TBC1D9: variants seen among roughly 807,000 people sequenced by gnomAD.
TBC1D9 encodes TBC1 domain family member 9A.
Under a neutral mutation model 132.0 loss-of-function variants are expected in TBC1D9, and 63 were observed. That is an observed-to-expected ratio of 0.48 (90% CI 0.39 to 0.59). TBC1D9 has a LOEUF of 0.59. Ranked by LOEUF, TBC1D9 falls within the 20% of genes least tolerant of loss-of-function variation. The probability of loss-of-function intolerance (pLI) is 0.00; values close to 1 mark genes in which losing one functional copy is unlikely to be tolerated. For synonymous variants in TBC1D9, 610 were observed against 609.9 expected, an observed-to-expected ratio of 1.00 and a Z score of 0.00; for missense variants, 1,261 against 1,592.7, an observed-to-expected ratio of 0.79 and a Z score of 3.54.
intron 2 of TBC1D9, among the ~76,000 whole-genome samples, chr4:140,695,432 G>A (rs1560888284): frequency 6.6e-6 from 1 of 152,134 alleles, no homozygotes; most frequent in Non-Finnish European, 1.5e-5. Context: ...GGCACCGTTC[G>A]GCACTGTTGT....
At chr4:140,671,876 G>A (rs1259650111) in intron 6 of TBC1D9, among the ~76,000 whole-genome samples, 2 of 152,146 alleles carry the variant, frequency 1.3e-5, no homozygotes, top group Admixed American at 6.5e-5. Flanking sequence ...TAGAAAAATG[G>A]TTTATTTGCA....
At position 140,626,398 on chromosome 4, in the gene TBC1D9, T is replaced by C. The variant is rs547138281; in HGVS notation, c.2899+1043A>G. ...CTGTCCAAAGCTCCTACCCTCAACTTGTATTGCCAGTCATAAGACTGAGCC... is the reference window on the plus strand; with the variant it reads ...CTGTCCAAAGCTCCTACCCTCAACTCGTATTGCCAGTCATAAGACTGAGCC... On this transcript the variant is annotated intron_variant, in intron 18 of 20. Coordinates refer to ENST00000442267, the MANE Select transcript of TBC1D9 (RefSeq NM_015130.3). 3.3e-5 allele frequency among the ~76,000 whole-genome samples: 5 copies of C among 152,246 alleles called. No homozygotes were observed. The South Asian group carries it at 1.0e-3, about 32-fold the overall frequency.
At chr4:140,750,325 A>C (rs1265301485) in intron 1 of TBC1D9, among the ~76,000 whole-genome samples, 1 of 152,074 alleles carries the variant, frequency 6.6e-6, no homozygotes, top group Non-Finnish European at 1.5e-5. Context: ...AATTTTTAAA[A>C]GCATAAGAAT....
intron 1 of TBC1D9, among the ~76,000 whole-genome samples, chr4:140,750,711 G>C (rs1167595454): frequency 6.6e-6 from 1 of 151,742 alleles, no homozygotes; most frequent in African/African-American, 2.4e-5. Context: ...TAAAAATTTT[G>C]CCCAAATTTA....
chr4:140,679,386 T>C (rs1183225079), intron 4 of TBC1D9, among the ~76,000 whole-genome samples, 183 bp from the exon 5 acceptor site: 1 of 152,224 alleles, frequency 6.6e-6, no homozygotes, highest in African/African-American at 2.4e-5. Flanking sequence ...GTCAGAATTA[T>C]AGATTTAATC....
rs1474076002 is a variant in TBC1D9, at chr4:140,621,359, T to TTA, written c.*834_*835dup. On this transcript the variant is annotated 3_prime_UTR_variant, in exon 21 of 21. Coordinates refer to ENST00000442267, the MANE Select transcript of TBC1D9 (RefSeq NM_015130.3). ...TCCAGTATCAGAAGCATCAGTACTT[T>TTA]TACTCTTTCAAAAACAAAAGCAAAG... 12 of 152,344 alleles carry TTA rather than the reference T, an allele frequency of 7.9e-5. No individual in the cohort carries two copies. The highest frequency in any genetic ancestry group is 2.0e-4 in the Admixed American group (3 of 15,290). 9.4% of individuals were successfully genotyped at this position (152,344 alleles called of 1,614,324 possible).
chr4:140,646,416 T>G (rs1168678999), intron 13 of TBC1D9, among the ~76,000 whole-genome samples: 2 of 152,180 alleles, frequency 1.3e-5, no homozygotes, highest in African/African-American at 4.8e-5. Flanking sequence ...AATAAAAGCA[T>G]AGGAAATACA....
At chr4:140,699,851 A>G (rs1738036346) in intron 2 of TBC1D9, among the ~76,000 whole-genome samples, 1 of 152,248 alleles carries the variant, frequency 6.6e-6, no homozygotes, top group African/African-American at 2.4e-5. Flanking sequence ...GAAACTCTGC[A>G]TGGGGGGTGG....
chr4:140,711,064 A>G (rs551729418), intron 1 of TBC1D9, among the ~76,000 whole-genome samples: 32 of 152,248 alleles, frequency 2.1e-4, no homozygotes, highest in African/African-American at 6.5e-4. Context: ...TCTGATACGG[A>G]CCAGTGAGGA....
At chr4:140,695,362 C>G (rs1274918298) in intron 2 of TBC1D9, among the ~76,000 whole-genome samples, 1 of 152,176 alleles carries the variant, frequency 6.6e-6, no homozygotes, top group Admixed American at 6.5e-5. Context: ...CATCTAGGAC[C>G]AGATGACATT....
At chr4:140,732,336 G>A (rs988834085) in intron 1 of TBC1D9, among the ~76,000 whole-genome samples, 1 of 152,110 alleles carries the variant, frequency 6.6e-6, no homozygotes, top group African/African-American at 2.4e-5. Flanking sequence ...ACCTGTCACA[G>A]GTCTTATTTA....
intron 1 of TBC1D9, among the ~76,000 whole-genome samples, chr4:140,714,778 G>A (rs533039085): frequency 5.9e-5 from 9 of 152,276 alleles, no homozygotes; most frequent in African/African-American, 2.2e-4. Context: ...TCTGCTCTCT[G>A]TCATGTGATG....
intron 13 of TBC1D9, chr4:140,645,439 C>G (rs1737088840): frequency 2.3e-6 from 1 of 426,908 alleles, no homozygotes; most frequent in Admixed American, 2.7e-5. Flanking sequence ...TCCGGCCTCT[C>G]TGGGTCGCGC....
chr4:140,690,573 C>T (rs769460571), intron 2 of TBC1D9, among the ~76,000 whole-genome samples: 1 of 152,100 alleles, frequency 6.6e-6, no homozygotes. Flanking sequence ...GCCAGCCACT[C>T]GCTGCTCCCA....
intron 1 of TBC1D9, among the ~76,000 whole-genome samples, chr4:140,746,379 A>G (rs1366642043): frequency 3.3e-5 from 5 of 152,076 alleles, no homozygotes; most frequent in African/African-American, 1.2e-4. Context: ...ATTGCATGCA[A>G]TTTTTTGGAG....
In TBC1D9 at chr4:140,670,718, A is replaced by G; in HGVS notation, c.1266+2T>C. ...AAATACTTTCAGGTGTCTCCCACAG[A>G]CCTCATCATCTGAACTGTTGTAACT... On this transcript the variant is annotated splice_donor_variant, in intron 7 of 20. Coordinates refer to ENST00000442267, the MANE Select transcript of TBC1D9 (RefSeq NM_015130.3). LOFTEE classifies it high-confidence loss of function. 1 of 1,613,070 alleles carries G rather than the reference A, an allele frequency of 6.2e-7. No individual in the cohort carries two copies. The highest frequency in any genetic ancestry group is 8.5e-7 in the Non-Finnish European group (1 of 1,179,626).
rs1426316935 is a variant in TBC1D9 at position 140,648,382 on chromosome 4, G to GT, written c.2337+8714dup. Among the ~76,000 whole-genome samples the GT allele has an allele frequency of 2.0e-3, 279 of 137,264 alleles. 2 individuals are homozygous for GT. The highest frequency in any genetic ancestry group is 7.5e-3 in the African/African-American group (270 of 36,032). 90.1% of individuals were successfully genotyped at this position (137,264 alleles called of 152,430 possible). On this transcript the variant is annotated intron_variant, in intron 13 of 20. Transcript: ENST00000442267. Reference sequence around the variant, plus strand: ...TTATGAGCAGAAAGGCAGTTTTGTTGTTGTTTTTTTTTTTTTTTTTTGAGA... The same window carrying GT: ...TTATGAGCAGAAAGGCAGTTTTGTTGTTTGTTTTTTTTTTTTTTTTTTGAGA...
chr4:140,728,195 G>GT (rs752397421), intron 1 of TBC1D9, among the ~76,000 whole-genome samples: 8 of 152,282 alleles, frequency 5.3e-5, no homozygotes, highest in Non-Finnish European at 2.9e-5. Flanking sequence ...AATAAAGAAA[G>GT]TAAGATGGTA....
chr4:140,643,326 T>A (rs978835803), intron 13 of TBC1D9: 8 of 1,343,776 alleles, frequency 6.0e-6, no homozygotes, highest in African/African-American at 2.9e-5. Context: ...GGCAGCTTCC[T>A]GCTTCTCCAA....
Sources: allele counts gnomAD v4.1 joint callset (sites outside exome capture counted in the v4.1 genomes callset), GRCh38; gene constraint gnomAD v4.1.1; transcripts MANE v1.5; gene names NCBI Gene and HGNC (gene_info 2026-07-23, HGNC 2026-07-21).